RPL32: variants seen among roughly 807,000 people sequenced by gnomAD.
RPL32 encodes the protein ribosomal protein L32.
For synonymous variants in RPL32, 61 were observed against 62.6 expected, an observed-to-expected ratio of 0.98 and a Z score of 0.12; for missense variants, 117 against 173.7, an observed-to-expected ratio of 0.67 and a Z score of 1.83.
At position 12,840,230 on chromosome 3, in the gene RPL32, G is replaced by A. The variant is rs1376247786; in HGVS notation, c.8C>T (p.Ala3Val). 1.9e-6 allele frequency: 3 copies of A among 1,613,720 alleles called. No individual in the cohort carries two copies. The highest frequency in any genetic ancestry group is 1.7e-5 in the Admixed American group (1 of 60,006). The change falls in exon 2 of 4, where the codon GCC (alanine) becomes GTC (valine). Residue 3 changes from alanine (A) to valine (V), a missense_variant. Ala to Val is a moderately conservative substitution (Grantham distance 64). Coordinates refer to ENST00000429711, the MANE Select transcript of RPL32 (RefSeq NM_000994.4). Reference protein sequence around the residue: MAALRPLVKPKIV... With the variant: MAVLRPLVKPKIV... Reference sequence around the variant, plus strand: ...CTTGGGCTTCACAAGGGGTCTGAGGGCGGCCATGATGCCTTTTGGGGAAGA... The same window carrying A: ...CTTGGGCTTCACAAGGGGTCTGAGGACGGCCATGATGCCTTTTGGGGAAGA...
chr3:12,840,099 C>CT (rs751898964), intron 2 of RPL32, 43 bp downstream of exon 2: 1 of 1,421,428 alleles, frequency 7.0e-7, no homozygotes, highest in South Asian at 1.2e-5. Context: ...GTTGGAAACT[C>CT]TTTTCTTCAC....
intron 2 of RPL32, 57 bp downstream of exon 2, chr3:12,840,083 GAA>G (rs1443698729): frequency 1.7e-6 from 2 of 1,158,368 alleles, no homozygotes; most frequent in Non-Finnish European, 2.5e-6. Context: ...GGTGATGTCA[GAA>G]ACTGTTGGAA....
At chr3:12,836,522 C>G (rs76891865) in intron 3 of RPL32, among the ~76,000 whole-genome samples, 1 of 152,112 alleles carries the variant, frequency 6.6e-6, no homozygotes. Context: ...GGACAGGGAT[C>G]CGGGGCGAAC....
Position 12,835,872 on chromosome 3 carries a change from C to T in RPL32, c.*222G>A. ...CATACCCAGCCTCAACTGGAGATGACTAAGGCTAGTCTGTGCACTTGAGGC... is the reference window on the plus strand; with the variant it reads ...CATACCCAGCCTCAACTGGAGATGATTAAGGCTAGTCTGTGCACTTGAGGC... On this transcript the variant is annotated 3_prime_UTR_variant, in exon 4 of 4. Transcript: ENST00000429711. The T allele has an allele frequency of 7.3e-6, 4 of 546,630 alleles. No homozygotes were observed. Among genetic ancestry groups the T allele is most frequent in the Non-Finnish European group, 1.3e-5 (4 of 308,702 alleles). 33.9% of individuals were successfully genotyped at this position (546,630 alleles called of 1,614,324 possible). A position where few individuals can be genotyped will look rare whatever the true frequency, so the allele number is the denominator to read the frequency against.
intron 1 of RPL32, chr3:12,840,823 C>CA: frequency 4.1e-6 from 1 of 243,750 alleles, no homozygotes; most frequent in East Asian, 9.4e-5. Flanking sequence ...ACACCTTCCT[C>CA]AGTGTGGTCT....
chr3:12,836,986 G>C (rs2062105446), intron 3 of RPL32, among the ~76,000 whole-genome samples: 1 of 152,180 alleles, frequency 6.6e-6, no homozygotes, highest in African/African-American at 2.4e-5. Context: ...CAAGAACCCT[G>C]CCTTAACAGC....
At chr3:12,838,011 C>G (rs767987640) in intron 3 of RPL32, among the ~76,000 whole-genome samples, 73 of 152,166 alleles carry the variant, frequency 4.8e-4, no homozygotes, top group Non-Finnish European at 9.3e-4. Context: ...GATAGGAAGA[C>G]AGCTTGAGCC....
At chr3:12,838,892 C>T (rs953339146) in intron 3 of RPL32, among the ~76,000 whole-genome samples, 7 of 152,190 alleles carry the variant, frequency 4.6e-5, no homozygotes, top group Non-Finnish European at 8.8e-5. Context: ...AGCTGCTCCC[C>T]GCCCACCTTG....
intron 3 of RPL32, among the ~76,000 whole-genome samples, chr3:12,837,284 T>C (rs1398185541): frequency 1.3e-5 from 2 of 151,852 alleles, no homozygotes; most frequent in Non-Finnish European, 2.9e-5. Context: ...ACTCTACAAT[T>C]CTCTCATTAT....
intron 1 of RPL32, 189 bp downstream of exon 1, chr3:12,841,305 G>A (rs1243956095): frequency 2.6e-5 from 4 of 152,404 alleles, no homozygotes; most frequent in East Asian, 1.9e-4. Context: ...ACAGGCGGAG[G>A]GCAGGAGGCT....
rs1055740282 is a variant in RPL32, at chr3:12,834,770, T to C, written c.*1324A>G. The C allele has an allele frequency of 1.3e-5, 2 of 152,198 alleles. No individual in the cohort carries two copies. The highest frequency in any genetic ancestry group is 4.8e-5 in the African/African-American group (2 of 41,452). The allele number at this position is 152,198 out of a possible 1,614,324, so 9.4% of individuals were successfully genotyped here. ...TGGCAGGCCCAAGTATTTTCTGTGA[T>C]ATCCCAGGTTAATAAAGATTAGATT... On this transcript the variant is annotated 3_prime_UTR_variant, in exon 4 of 4. Transcript: ENST00000429711.
Position 12,840,202 on chromosome 3 carries a change from G to A in RPL32, c.36C>T (p.Ile12=), listed in dbSNP as rs751944666. 14 of 1,613,860 alleles carry A rather than the reference G, an allele frequency of 8.7e-6. No homozygotes were observed. The African/African-American group carries it at 9.3e-5, about 11-fold the overall frequency. Residue 12 remains isoleucine, a synonymous_variant, in exon 2 of 4, where the codon ATC becomes ATT. Transcript: ENST00000429711. The part of the protein sequence containing the change: ...AALRPLVKPK[I]VKKRTKKFIR... ...TGAACTTCTTGGTTCTCTTTTTGAC[G>A]ATCTTGGGCTTCACAAGGGGTCTGA...
chr3:12,840,973 G>A (rs3773307), intron 1 of RPL32: 14,808 of 155,664 alleles, frequency 0.095, 820 homozygotes, highest in South Asian at 0.2. Context: ...GGCAAGGTGG[G>A]GGCAGTTGCA....
rs2062137314 is a variant in RPL32 at position 12,840,199 on chromosome 3, G to T, written c.39C>A (p.Val13=). Reference sequence around the variant, plus strand: ...GGATGAACTTCTTGGTTCTCTTTTTGACGATCTTGGGCTTCACAAGGGGTC... The same window carrying T: ...GGATGAACTTCTTGGTTCTCTTTTTTACGATCTTGGGCTTCACAAGGGGTC... ...ALRPLVKPKI[V]KKRTKKFIRH... The change falls in exon 2 of 4, where the codon GTC becomes GTA. Residue 13 remains valine, a synonymous_variant. Transcript: ENST00000429711. 6 of 1,613,986 alleles carry T rather than the reference G, an allele frequency of 3.7e-6. No individual in the cohort carries two copies. Among genetic ancestry groups the T allele is most frequent in the Non-Finnish European group, 5.1e-6 (6 of 1,179,920 alleles).
In RPL32 at chr3:12,836,239, G is replaced by A. The variant is rs2062099275; in HGVS notation, c.279-16C>T. ...ACAGTAAGATCTGCAAGAGAATCAAGTAGGTAAGGAGCAAGACAGCCCTCA... is the reference window on the plus strand; with the variant it reads ...ACAGTAAGATCTGCAAGAGAATCAAATAGGTAAGGAGCAAGACAGCCCTCA... On this transcript the variant is annotated splice_polypyrimidine_tract_variant and intron_variant, in intron 3 of 3. Coordinates refer to ENST00000429711, the MANE Select transcript of RPL32 (RefSeq NM_000994.4). 4 of 1,599,308 alleles carry A rather than the reference G, an allele frequency of 2.5e-6. No homozygotes were observed. The highest frequency in any genetic ancestry group is 2.7e-5 in the African/African-American group (2 of 74,872).
intron 3 of RPL32, 108 bp from the exon 4 acceptor site, chr3:12,836,331 G>GT (rs56204642): frequency 0.13 from 173,408 of 1,361,470 alleles, 13,652 homozygotes; most frequent in African/African-American, 0.35. Flanking sequence ...GGGCTGCTTG[G>GT]TAAGTGGCTG....
intron 1 of RPL32, 85 bp from the exon 2 acceptor site, chr3:12,840,327 T>C (rs1341038228): frequency 3.0e-6 from 3 of 991,290 alleles, no homozygotes; most frequent in Admixed American, 3.4e-5. Context: ...TCGCAGAGTG[T>C]CTTCCAATCG....
At chr3:12,840,587 G>A (rs1283988052) in intron 1 of RPL32, 15 of 474,750 alleles carry the variant, frequency 3.2e-5, no homozygotes, top group African/African-American at 2.5e-4. Context: ...TGGTCCTTCC[G>A]GTAGTACTGG....
Position 12,840,576 on chromosome 3 carries a change from A to G in RPL32, c.-5-334T>C, listed in dbSNP as rs1338656198. 4 of 487,738 alleles carry G rather than the reference A, an allele frequency of 8.2e-6. No individual in the cohort carries two copies. The East Asian group carries it at 2.1e-4, about 26-fold the overall frequency. 30.2% of individuals were successfully genotyped at this position (487,738 alleles called of 1,614,324 possible). On this transcript the variant is annotated intron_variant, in intron 1 of 3. Coordinates refer to ENST00000429711, the MANE Select transcript of RPL32 (RefSeq NM_000994.4). ...ACCCCACCAGTGTCCGAACCCCCAG[A>G]TGGTCCTTCCGGTAGTACTGGCCTT...
Sources: allele counts gnomAD v4.1 joint callset (sites outside exome capture counted in the v4.1 genomes callset), GRCh38; gene constraint gnomAD v4.1.1; transcripts MANE v1.5; gene names NCBI Gene and HGNC (gene_info 2026-07-23, HGNC 2026-07-21).